Variants in CEP89 observed in about 807,000 individuals in gnomAD.
The protein encoded by CEP89 is centrosomal protein 89, also known as centrosomal protein of 89 kDa.
Under a neutral mutation model 97.6 loss-of-function variants are expected in CEP89, and 95 were observed. The observed-to-expected ratio is 0.97, with a 90% confidence interval of 0.82 to 1.15. The LOEUF is 1.15. Among genes scored for constraint, CEP89 ranks in the 50% most tolerant of loss-of-function variants. The pLI is 0.00. For synonymous variants in CEP89, 354 were observed against 349.1 expected, an observed-to-expected ratio of 1.01 and a Z score of -0.16; for missense variants, 869 against 947.7, an observed-to-expected ratio of 0.92 and a Z score of 1.09.
At chr19:32,901,185 C>A (rs960395630) in intron 15 of CEP89, 60 bp downstream of exon 15, 4 of 1,532,566 alleles carry the variant, frequency 2.6e-6, no homozygotes, top group Admixed American at 1.8e-5. Context: ...TGTACCCAGA[C>A]CATTTGTCTT....
intron 8 of CEP89, among the ~76,000 whole-genome samples, chr19:32,932,446 T>C (rs185833750): frequency 9.9e-5 from 15 of 152,136 alleles, no homozygotes; most frequent in African/African-American, 3.1e-4. Flanking sequence ...ATAGAGAAAA[T>C]ATTGGTGAAT....
At chr19:32,923,078 G>A (rs1478684241) in intron 12 of CEP89, among the ~76,000 whole-genome samples, 2 of 152,194 alleles carry the variant, frequency 1.3e-5, no homozygotes, top group East Asian at 3.9e-4. Flanking sequence ...TGTTTTGGGA[G>A]GCCATTTTGA....
intron 12 of CEP89, among the ~76,000 whole-genome samples, chr19:32,922,270 A>C (rs1289304373): frequency 6.6e-6 from 1 of 152,196 alleles, no homozygotes; most frequent in African/African-American, 2.4e-5. Flanking sequence ...GGCCGGGTGC[A>C]GTGGCTCCAG....
At chr19:32,971,520 A>G in intron 1 of CEP89, 1 of 556,670 alleles carries the variant, frequency 1.8e-6, no homozygotes, top group Non-Finnish European at 3.2e-6. Context: ...AGCCGGGAGT[A>G]GTGGCGCGCG....
intron 1 of CEP89, 76 bp downstream of exon 1, chr19:32,971,760 C>T (rs879258435): frequency 1.3e-6 from 2 of 1,489,316 alleles, no homozygotes; most frequent in Admixed American, 2.0e-5. Flanking sequence ...AGGCCAAACC[C>T]CAACCCGCCC....
intron 14 of CEP89, among the ~76,000 whole-genome samples, chr19:32,913,164 C>T (rs997525874): frequency 2.0e-5 from 3 of 147,886 alleles, no homozygotes; most frequent in African/African-American, 4.9e-5. Context: ...ATATTAGTTA[C>T]ACATATTAAT....
At chr19:32,938,594 A>T (rs986878194) in intron 6 of CEP89, among the ~76,000 whole-genome samples, 21 of 152,212 alleles carry the variant, frequency 1.4e-4, no homozygotes, top group African/African-American at 4.8e-4. Flanking sequence ...AGTTCCTATG[A>T]CATCGCACAA....
chr19:32,942,731 C>A (rs900821773), intron 5 of CEP89, among the ~76,000 whole-genome samples: 2 of 152,116 alleles, frequency 1.3e-5, no homozygotes, highest in Non-Finnish European at 2.9e-5. Context: ...GAGTCCTCAC[C>A]CTCCTCATTT....
chr19:32,928,340 G>A (rs62125034), intron 9 of CEP89, among the ~76,000 whole-genome samples: 8,050 of 151,978 alleles, frequency 0.053, 353 homozygotes, highest in East Asian at 0.23. Context: ...AAGAGTACTG[G>A]TTTCTTTTCC....
intron 16 of CEP89, among the ~76,000 whole-genome samples, chr19:32,899,559 T>TG (rs946949604): frequency 3.3e-5 from 5 of 152,346 alleles, no homozygotes; most frequent in African/African-American, 1.2e-4. Flanking sequence ...ATACAGCAGA[T>TG]GGTTCCCAAC....
intron 16 of CEP89, among the ~76,000 whole-genome samples, chr19:32,899,276 G>A (rs1969713375): frequency 6.6e-6 from 1 of 151,906 alleles, no homozygotes; most frequent in South Asian, 2.1e-4. Context: ...GACTACAGGT[G>A]CATGCCACCA....
chr19:32,945,657 T>A (rs1474752977), intron 5 of CEP89, among the ~76,000 whole-genome samples: 1 of 152,128 alleles, frequency 6.6e-6, no homozygotes, highest in Admixed American at 6.6e-5. Flanking sequence ...TTCCATGCAT[T>A]AATTTCTTTT....
At chr19:32,888,989 G>A (rs574254541) in intron 16 of CEP89, among the ~76,000 whole-genome samples, 15 of 152,040 alleles carry the variant, frequency 9.9e-5, no homozygotes, top group African/African-American at 3.4e-4. Flanking sequence ...TGGGGAAACC[G>A]AAAGTGATTT....
intron 13 of CEP89, 139 bp downstream of exon 13, chr19:32,918,085 A>C: frequency 1.4e-6 from 1 of 710,496 alleles, no homozygotes; most frequent in South Asian, 1.7e-5. Flanking sequence ...GAAAGGTTAT[A>C]AACAGCCACA....
In CEP89 at chr19:32,951,530, TATATACAC is replaced by T. The variant is rs1291351252; in HGVS notation, c.492+2077_492+2084del. Among the ~76,000 whole-genome samples the T allele has an allele frequency of 4.2e-3, 452 of 107,404 alleles. 3 individuals are homozygous for T. Among genetic ancestry groups the T allele is most frequent in the South Asian group, 0.016 (51 of 3,132 alleles). 70.5% of individuals were successfully genotyped at this position (107,404 alleles called of 152,430 possible). ...AAAAAATTATATATATATATATATA[TATATACAC>T]ACACACACACACACACACACACACA... On this transcript the variant is annotated intron_variant, in intron 4 of 18. Transcript: ENST00000305768.
At chr19:32,951,607 A>T (rs866765429) in intron 4 of CEP89, among the ~76,000 whole-genome samples, 85 of 151,796 alleles carry the variant, frequency 5.6e-4, no homozygotes, top group African/African-American at 1.9e-3. Flanking sequence ...GTAGTAAAAG[A>T]ATAAAAACAC....
intron 14 of CEP89, among the ~76,000 whole-genome samples, chr19:32,902,008 CTCTGTG>C (rs1969787042): frequency 1.0e-5 from 1 of 99,602 alleles, no homozygotes; most frequent in African/African-American, 4.7e-5. Flanking sequence ...CTCTCTCTCT[CTCTGTG>C]TGTGTGTGTG....
chr19:32,929,831 T>A (rs1287073244), intron 9 of CEP89, among the ~76,000 whole-genome samples: 1 of 152,124 alleles, frequency 6.6e-6, no homozygotes, highest in Non-Finnish European at 1.5e-5. Flanking sequence ...GTTAGTATTA[T>A]GTTAAGTGAA....
At chr19:32,923,583 A>C in intron 11 of CEP89, 41 bp from the exon 12 acceptor site, 1 of 1,201,240 alleles carries the variant, frequency 8.3e-7, no homozygotes, top group Non-Finnish European at 1.2e-6. Context: ...ACACATACCC[A>C]CGCATCTATA....
Sources: allele counts gnomAD v4.1 joint callset (sites outside exome capture counted in the v4.1 genomes callset), GRCh38; gene constraint gnomAD v4.1.1; transcripts MANE v1.5; gene names NCBI Gene and HGNC (gene_info 2026-07-23, HGNC 2026-07-21).